Variants in SLC1A3 observed in about 807,000 individuals in gnomAD.
SLC1A3 encodes excitatory amino acid transporter 1.
A neutral mutation model predicts 48.1 loss-of-function variants in SLC1A3; 21 were observed. The ratio of observed to expected loss-of-function variants is 0.44; its 90% confidence interval spans 0.31 to 0.63. The LOEUF is 0.63. SLC1A3 is among the 20% of genes least tolerant of loss of function. The probability of loss-of-function intolerance (pLI) is 0.08; values close to 1 mark genes in which losing one functional copy is unlikely to be tolerated. For missense variants in SLC1A3, 546 were observed against 689.0 expected, an observed-to-expected ratio of 0.79 and a Z score of 2.32; for synonymous variants, 239 against 251.4, an observed-to-expected ratio of 0.95 and a Z score of 0.47.
chr5:36,608,461 G>T lies in SLC1A3; in HGVS notation c.38G>T (p.Gly13Val). 1 of 1,614,068 alleles carries T rather than the reference G, an allele frequency of 6.2e-7. No individual in the cohort carries two copies. The highest frequency in any genetic ancestry group is 1.1e-5 in the South Asian group (1 of 91,084). Residue 13 changes from glycine (G) to valine (V), a missense_variant, in exon 2 of 10, where the codon GGC becomes GTC. This residue lies in a region of SLC1A3 where 348 missense variants were observed against 392.0 expected (regional missense o/e 0.89). Coordinates refer to ENST00000265113, the MANE Select transcript of SLC1A3 (RefSeq NM_004172.5). ...KSNGEEPKMG[G>V]RMERFQQGVR... ...AATGGAGAAGAGCCCAAGATGGGGGGCAGGATGGAGAGATTCCAGCAGGGA... is the reference window on the plus strand; with the variant it reads ...AATGGAGAAGAGCCCAAGATGGGGGTCAGGATGGAGAGATTCCAGCAGGGA...
chr5:36,679,931 G>C, intron 7 of SLC1A3, 71 bp downstream of exon 7: 1 of 1,035,924 alleles, frequency 9.7e-7, no homozygotes, highest in Admixed American at 1.9e-5. Context: ...TAGGGTGTAG[G>C]AGAAGCCATT....
chr5:36,650,652 T>C (rs751417287), intron 3 of SLC1A3, among the ~76,000 whole-genome samples: 1 of 152,218 alleles, frequency 6.6e-6, no homozygotes, highest in Non-Finnish European at 1.5e-5. Flanking sequence ...TTTAACATCT[T>C]TCTCTTTCCC....
At position 36,685,959 on chromosome 5, in the gene SLC1A3, G is replaced by C. The variant is rs937724619; in HGVS notation, c.1425-106G>C. 3 of 830,026 alleles carry C rather than the reference G, an allele frequency of 3.6e-6. No individual in the cohort carries two copies. In the African/African-American group the frequency reaches 5.0e-5, roughly 14 times the overall value. The allele number at this position is 830,026 out of a possible 1,614,324, so 51.4% of individuals were successfully genotyped here. A position where few individuals can be genotyped will look rare whatever the true frequency, so the allele number is the denominator to read the frequency against. Reference sequence around the variant, plus strand: ...TAATCTTGCAGTTGGTAGATACGGCGAACTGAATGTTAAGAGGTGCTTCGC... The same window carrying C: ...TAATCTTGCAGTTGGTAGATACGGCCAACTGAATGTTAAGAGGTGCTTCGC... On this transcript the variant is annotated intron_variant, in intron 9 of 9. Transcript: ENST00000265113.
At chr5:36,652,146 A>G (rs911722263) in intron 3 of SLC1A3, among the ~76,000 whole-genome samples, 2 of 152,214 alleles carry the variant, frequency 1.3e-5, no homozygotes, top group South Asian at 4.1e-4. Flanking sequence ...TACTAAAGCC[A>G]TGGCATGCAA....
chr5:36,597,379 TG>T (rs1738756727), intron 1 of SLC1A3, among the ~76,000 whole-genome samples: 1 of 151,020 alleles, frequency 6.6e-6, no homozygotes. Context: ...CCCCAGCAGC[TG>T]GGACAGGGGC....
intron 3 of SLC1A3, 29 bp from the exon 4 acceptor site, chr5:36,670,999 TC>T (rs748440697): frequency 6.3e-7 from 1 of 1,599,402 alleles, no homozygotes; most frequent in African/African-American, 1.3e-5. Flanking sequence ...TGGACTGACT[TC>T]CTGAAAATCT....
chr5:36,615,015 T>A (rs1739373263), intron 2 of SLC1A3, among the ~76,000 whole-genome samples: 2 of 152,212 alleles, frequency 1.3e-5, no homozygotes, highest in Admixed American at 6.5e-5. Flanking sequence ...TTCAGAACAA[T>A]TAACCTTCAG....
chr5:36,612,244 G>A (rs1561238118), intron 2 of SLC1A3, among the ~76,000 whole-genome samples: 1 of 151,972 alleles, frequency 6.6e-6, no homozygotes, highest in Non-Finnish European at 1.5e-5. Context: ...TCCTTTATAT[G>A]GATTTGAAAG....
At chr5:36,664,472 G>A (rs1327603866) in intron 3 of SLC1A3, among the ~76,000 whole-genome samples, 2 of 151,708 alleles carry the variant, frequency 1.3e-5, no homozygotes, top group Admixed American at 1.3e-4. Flanking sequence ...TAACCAAATG[G>A]GGGTTTATGC....
chr5:36,599,305 T>C (rs1383641169), intron 1 of SLC1A3, among the ~76,000 whole-genome samples: 1 of 152,224 alleles, frequency 6.6e-6, no homozygotes, highest in Non-Finnish European at 1.5e-5. Flanking sequence ...GTCTGGACTC[T>C]GCCATTTACT....
chr5:36,680,916 A>G (rs200788327), intron 8 of SLC1A3, among the ~76,000 whole-genome samples: 29,499 of 100,526 alleles, frequency 0.29, 3,098 homozygotes, highest in Admixed American at 0.41. Flanking sequence ...ACTCCATCTC[A>G]AAAAAAAAAA....
At chr5:36,610,883 C>T (rs930131380) in intron 2 of SLC1A3, among the ~76,000 whole-genome samples, 2 of 152,084 alleles carry the variant, frequency 1.3e-5, no homozygotes, top group African/African-American at 2.4e-5. Context: ...GAAGAAGGCA[C>T]TAACAAAGAA....
intron 3 of SLC1A3, among the ~76,000 whole-genome samples, chr5:36,647,628 T>C (rs1740889380): frequency 1.3e-5 from 2 of 152,214 alleles, no homozygotes; most frequent in African/African-American, 4.8e-5. Flanking sequence ...ATCAGTCTTC[T>C]CACAACCGAA....
intron 2 of SLC1A3, among the ~76,000 whole-genome samples, chr5:36,626,115 G>A (rs1579964618): frequency 6.6e-6 from 1 of 152,166 alleles, no homozygotes; most frequent in East Asian, 1.9e-4. Flanking sequence ...TAAGTGCAGG[G>A]CTTGAGTGGG....
chr5:36,608,332 T>G lies in SLC1A3; in HGVS notation c.-92T>G. ...GTCTCTTTTTCTCCCATTCTAGTTG[T>G]GTTTTCTAATACCAAAGAGGAGGTT... On this transcript the variant is annotated 5_prime_UTR_variant, in exon 2 of 10. Coordinates refer to ENST00000265113, the MANE Select transcript of SLC1A3 (RefSeq NM_004172.5). 1 of 1,163,758 alleles carries G rather than the reference T, an allele frequency of 8.6e-7. No individual in the cohort carries two copies. Among genetic ancestry groups the G allele is most frequent in the Non-Finnish European group, 1.3e-6 (1 of 787,176 alleles). 72.1% of individuals were successfully genotyped at this position (1,163,758 alleles called of 1,614,324 possible).
chr5:36,667,005 C>A (rs965956147), intron 3 of SLC1A3, among the ~76,000 whole-genome samples: 1 of 152,180 alleles, frequency 6.6e-6, no homozygotes, highest in African/African-American at 2.4e-5. Context: ...CTTTTACTTT[C>A]TAGAAAGCAT....
intron 3 of SLC1A3, chr5:36,669,148 A>C (rs182840282): frequency 6.6e-6 from 1 of 152,332 alleles, no homozygotes; most frequent in African/African-American, 2.4e-5. Flanking sequence ...GAGCCGGAAG[A>C]ATTGCAGGCT....
At chr5:36,629,427 C>CTTTTTT (rs78316512) in intron 2 of SLC1A3, 23 bp from the exon 3 acceptor site, 443 of 1,456,632 alleles carry the variant, frequency 3.0e-4, no homozygotes, top group Admixed American at 2.5e-3. Context: ...TTTTCTTTTT[C>CTTTTTT]TTTTTTTTTT....
chr5:36,686,536 A>C lies in SLC1A3; in HGVS notation c.*267A>C, dbSNP rs1742656043. 2 of 481,920 alleles carry C rather than the reference A, an allele frequency of 4.2e-6. No homozygotes were observed. Among genetic ancestry groups the C allele is most frequent in the Non-Finnish European group, 7.5e-6 (2 of 266,990 alleles). The allele number at this position is 481,920 out of a possible 1,614,324, so 29.9% of individuals were successfully genotyped here. A position where few individuals can be genotyped will look rare whatever the true frequency, so the allele number is the denominator to read the frequency against. ...CAAGATCACAAATAGTGTTGATCAG[A>C]TCTTACAAGTTTATGTGGCACACAA... On this transcript the variant is annotated 3_prime_UTR_variant, in exon 10 of 10. Transcript: ENST00000265113.
Sources: allele counts gnomAD v4.1 joint callset (sites outside exome capture counted in the v4.1 genomes callset), GRCh38; gene constraint gnomAD v4.1.1; regional missense constraint gnomAD v4.1.1; transcripts MANE v1.5; gene names NCBI Gene and HGNC (gene_info 2026-07-23, HGNC 2026-07-21).